Variants in MCTP2 observed in about 807,000 individuals in gnomAD.
The protein encoded by MCTP2 is multiple C2 and transmembrane domain containing 2, also known as multiple C2 and transmembrane domain-containing protein 2.
MCTP2 carries 132 observed loss-of-function variants against 111.6 expected under a neutral mutation model. That is an observed-to-expected ratio of 1.18 (90% confidence interval 1.03 to 1.37). The LOEUF is 1.37. MCTP2 is among the 40% of genes most tolerant of loss of function. The pLI is 0.00. For synonymous variants in MCTP2, 395 were observed against 387.7 expected (o/e 1.02, Z -0.22); for missense variants, 1,183 against 1,067.9 (o/e 1.11, Z -1.50).
intron 16 of MCTP2, 66 bp from the exon 17 acceptor site, chr15:94,401,834 C>G (rs940233246): frequency 1.2e-5 from 15 of 1,275,014 alleles, no homozygotes; most frequent in Non-Finnish European, 1.5e-5. Context: ...GATCAGGGTA[C>G]CTGATCTAGA....
At chr15:94,456,075 C>T (rs1019604526) in intron 19 of MCTP2, among the ~76,000 whole-genome samples, 1 of 152,074 alleles carries the variant, frequency 6.6e-6, no homozygotes, top group Non-Finnish European at 1.5e-5. Flanking sequence ...TATAATAAAA[C>T]CAAGTTATCA....
intron 12 of MCTP2, among the ~76,000 whole-genome samples, chr15:94,382,209 C>T (rs1003186326): frequency 6.6e-6 from 1 of 152,196 alleles, no homozygotes; most frequent in Non-Finnish European, 1.5e-5. Flanking sequence ...CAGACTTTTC[C>T]TGGTATGAGA....
At chr15:94,321,685 C>T (rs2076637220) in intron 4 of MCTP2, among the ~76,000 whole-genome samples, 1 of 152,130 alleles carries the variant, frequency 6.6e-6, no homozygotes. Flanking sequence ...TAAAATACAG[C>T]TAATCAATAA....
Position 94,307,223 on chromosome 15 carries a change from T to C in MCTP2, c.466-7059T>C, listed in dbSNP as rs186754023. On this transcript the variant is annotated intron_variant, in intron 2 of 22. Coordinates refer to ENST00000357742, the MANE Select transcript of MCTP2 (RefSeq NM_001385001.1). Reference sequence around the variant, plus strand: ...TAGGAAAGGTGGCAAGCTATAGATATAATCAGAACATAAAGTGTCATGGAG... The same window carrying C: ...TAGGAAAGGTGGCAAGCTATAGATACAATCAGAACATAAAGTGTCATGGAG... Among the ~76,000 whole-genome samples the C allele has an allele frequency of 6.3e-3, 960 of 152,214 alleles. 1 individual carries two copies. The highest frequency in any genetic ancestry group is 9.7e-3 in the Non-Finnish European group (661 of 68,020).
At chr15:94,246,125 A>C (rs908340588) in intron 1 of MCTP2, among the ~76,000 whole-genome samples, 3 of 152,062 alleles carry the variant, frequency 2.0e-5, no homozygotes, top group Non-Finnish European at 2.9e-5. Context: ...CACATTGTGT[A>C]GCCTCTTGGA....
intron 19 of MCTP2, among the ~76,000 whole-genome samples, chr15:94,444,903 A>G (rs1233599928): frequency 6.6e-6 from 1 of 152,208 alleles, no homozygotes; most frequent in Non-Finnish European, 1.5e-5. Flanking sequence ...AACGGTGACC[A>G]TGTATCTTTG....
At chr15:94,372,294 A>G (rs965153734) in intron 12 of MCTP2, among the ~76,000 whole-genome samples, 1 of 152,232 alleles carries the variant, frequency 6.6e-6, no homozygotes, top group Non-Finnish European at 1.5e-5. Context: ...ACATGTGTTT[A>G]GACCATAATG....
chr15:94,472,434 C>G (rs527744617), intron 21 of MCTP2, among the ~76,000 whole-genome samples: 1 of 152,140 alleles, frequency 6.6e-6, no homozygotes, highest in African/African-American at 2.4e-5. Flanking sequence ...CTCATTTGAT[C>G]ATCAATTTTG....
chr15:94,235,490 C>A (rs2070478979), intron 1 of MCTP2, among the ~76,000 whole-genome samples: 1 of 152,054 alleles, frequency 6.6e-6, no homozygotes, highest in Admixed American at 6.5e-5. Flanking sequence ...TTTAAGAGAA[C>A]AGATAGGGCA....
In MCTP2 at chr15:94,293,670, C is replaced by T. The variant is rs148306825; in HGVS notation, c.-65-4531C>T. Among the ~76,000 whole-genome samples, 866 of 152,290 alleles carry T rather than the reference C, an allele frequency of 5.7e-3. 6 individuals are homozygous for T. The highest frequency in any genetic ancestry group is 7.2e-3 in the Non-Finnish European group (491 of 68,034). On this transcript the variant is annotated intron_variant, in intron 1 of 22. Transcript: ENST00000357742. Reference sequence around the variant, plus strand: ...ACACATACCTATTAGAATGGCTATGCACATACCTATTAGAATGGCTAAAAT... The same window carrying T: ...ACACATACCTATTAGAATGGCTATGTACATACCTATTAGAATGGCTAAAAT...
chr15:94,399,846 C>A, intron 15 of MCTP2, 75 bp from the exon 16 acceptor site: 1 of 1,311,750 alleles, frequency 7.6e-7, no homozygotes, highest in Non-Finnish European at 1.1e-6. Context: ...GCACGATTTT[C>A]CCAGTCATTA....
At chr15:94,355,513 C>T (rs1032946698) in intron 8 of MCTP2, among the ~76,000 whole-genome samples, 1 of 152,126 alleles carries the variant, frequency 6.6e-6, no homozygotes, top group Non-Finnish European at 1.5e-5. Context: ...GTTATTGAAC[C>T]CCTCCTGGGT....
chr15:94,332,569 C>A (rs1335694417), intron 4 of MCTP2, among the ~76,000 whole-genome samples: 1 of 152,198 alleles, frequency 6.6e-6, no homozygotes, highest in Non-Finnish European at 1.5e-5. Flanking sequence ...AATTTGAAAT[C>A]TTAAGCTCTC....
chr15:94,322,427 T>A (rs1033274193), intron 4 of MCTP2, among the ~76,000 whole-genome samples: 1 of 152,192 alleles, frequency 6.6e-6, no homozygotes, highest in African/African-American at 2.4e-5. Context: ...GAACATGGAT[T>A]AGTAGACTTT....
intron 1 of MCTP2, among the ~76,000 whole-genome samples, chr15:94,242,961 G>A (rs1319068741): frequency 3.0e-5 from 3 of 100,702 alleles, no homozygotes; most frequent in Non-Finnish European, 4.2e-5. Flanking sequence ...ACATATACAC[G>A]TGTATATGTG....
At chr15:94,348,632 A>G (rs1485726463) in intron 8 of MCTP2, among the ~76,000 whole-genome samples, 1 of 149,318 alleles carries the variant, frequency 6.7e-6, no homozygotes, top group East Asian at 2.0e-4. Flanking sequence ...TTCTAGGTGA[A>G]TGCCCTCTCT....
intron 12 of MCTP2, among the ~76,000 whole-genome samples, chr15:94,380,528 G>A (rs2080073681): frequency 6.6e-6 from 1 of 152,188 alleles, no homozygotes; most frequent in African/African-American, 2.4e-5. Context: ...AGCACTTTGG[G>A]AGGCTGAGGT....
rs936641764 is a variant in MCTP2, at chr15:94,300,449, G to T, written c.465+1719G>T. Among the ~76,000 whole-genome samples the T allele has an allele frequency of 3.3e-5, 5 of 150,112 alleles. No individual in the cohort carries two copies. The South Asian group carries it at 1.0e-3, about 32-fold the overall frequency. On this transcript the variant is annotated intron_variant, in intron 2 of 22. Coordinates refer to ENST00000357742, the MANE Select transcript of MCTP2 (RefSeq NM_001385001.1). The stretch of plus-strand genomic sequence containing the variant: ...GGCATGAACGCGGGAGGTAGAACCT[G>T]CAGTGAGCTAAGATCGCGCCACTGC...
At chr15:94,360,453 G>T (rs952639641) in intron 10 of MCTP2, among the ~76,000 whole-genome samples, 1 of 152,152 alleles carries the variant, frequency 6.6e-6, no homozygotes, top group Non-Finnish European at 1.5e-5. Flanking sequence ...CTGCCAATAC[G>T]GATGGTAGTA....
Sources: allele counts gnomAD v4.1 joint callset (sites outside exome capture counted in the v4.1 genomes callset), GRCh38; gene constraint gnomAD v4.1.1; transcripts MANE v1.5; gene names NCBI Gene and HGNC (gene_info 2026-07-23, HGNC 2026-07-21).